The following TTC34 variants were observed in gnomAD, a reference collection of about 807,000 sequenced individuals.
TTC34 encodes tetratricopeptide repeat domain 34.
In TTC34, 44 loss-of-function variants were observed where a neutral mutation model predicts 40.7. The ratio of observed to expected loss-of-function variants is 1.08; its 90% confidence interval spans 0.85 to 1.39. The LOEUF is 1.39. Ranked by LOEUF, TTC34 falls within the 40% of genes most tolerant of loss-of-function variation. The pLI is 0.00. For missense variants in TTC34, 884 were observed against 838.0 expected (o/e 1.05, Z -0.68); for synonymous variants, 422 against 398.6 (o/e 1.06, Z -0.70).
intron 6 of TTC34, among the ~76,000 whole-genome samples, chr1:2,751,150 C>T (rs1415817937): frequency 9.4e-6 from 1 of 106,764 alleles, no homozygotes; most frequent in Non-Finnish European, 1.8e-5. Context: ...ATCTGACACC[C>T]TGGAGCAGCA....
chr1:2,779,022 TC>T (rs1273737239), intron 6 of TTC34, among the ~76,000 whole-genome samples: 1 of 152,192 alleles, frequency 6.6e-6, no homozygotes, highest in Non-Finnish European at 1.5e-5. Context: ...ACAGTGTTTG[TC>T]CTTTTGTGGT....
At chr1:2,800,272 C>T (rs1396584428) in exon 2 of TTC34, 10 of 398,612 alleles carry the variant, frequency 2.5e-5, no homozygotes, top group Admixed American at 4.4e-5. Flanking sequence ...CTGAGCAGCG[C>T]GGGGAGGTGG....
chr1:2,691,957 A>G (rs1347940072), intron 6 of TTC34, among the ~76,000 whole-genome samples: 1 of 82,146 alleles, frequency 1.2e-5, no homozygotes, highest in Non-Finnish European at 2.7e-5. Flanking sequence ...CCAGGTGAGC[A>G]TCTGACAGAC....
intron 2 of TTC34, among the ~76,000 whole-genome samples, chr1:2,794,714 G>C (rs370797513): frequency 6.6e-6 from 1 of 152,126 alleles, no homozygotes; most frequent in Non-Finnish European, 1.5e-5. Context: ...TCACCATTGA[G>C]TATGATATTT....
intron 2 of TTC34, among the ~76,000 whole-genome samples, chr1:2,798,586 C>T (rs1374631493): frequency 9.1e-6 from 1 of 110,454 alleles, no homozygotes; most frequent in Non-Finnish European, 1.9e-5. Context: ...CCTCAGCTCC[C>T]CAGCCCCCCA....
chr1:2,772,682 GAACTCCA>G (rs1406603386), intron 6 of TTC34, among the ~76,000 whole-genome samples: 1 of 16,808 alleles, frequency 5.9e-5, no homozygotes, highest in Non-Finnish European at 1.3e-4. Context: ...GCTTGGAACA[GAACTCCA>G]CACCCACAGG....
chr1:2,652,432 A>C (rs534042528), intron 6 of TTC34, among the ~76,000 whole-genome samples: 1 of 152,208 alleles, frequency 6.6e-6, no homozygotes, highest in South Asian at 2.1e-4. Context: ...ACAGCCTGGA[A>C]CAGCACCCAC....
intron 6 of TTC34, among the ~76,000 whole-genome samples, chr1:2,751,870 G>A (rs1158756989): frequency 3.5e-5 from 3 of 85,458 alleles, no homozygotes; most frequent in East Asian, 5.0e-4. Context: ...GCATCCGACA[G>A]CCTGGAGCAG....
chr1:2,759,910 A>T, intron 6 of TTC34, among the ~76,000 whole-genome samples: 1 of 141,420 alleles, frequency 7.1e-6, no homozygotes, highest in East Asian at 2.1e-4. Context: ...AGCCTGGAAC[A>T]TCACCCTGCA....
At chr1:2,651,892 G>A (rs1235122272) in intron 6 of TTC34, among the ~76,000 whole-genome samples, 2 of 151,968 alleles carry the variant, frequency 1.3e-5, no homozygotes, top group Admixed American at 6.6e-5. Flanking sequence ...GATTTTGGGT[G>A]AGCAGCTGAG....
intron 6 of TTC34, among the ~76,000 whole-genome samples, chr1:2,687,752 G>T (rs1173822194): frequency 6.7e-6 from 1 of 149,156 alleles, no homozygotes; most frequent in African/African-American, 2.5e-5. Context: ...CGACAGCCTG[G>T]AGCAGAACCC....
chr1:2,748,768 A>T (rs1407316384), intron 6 of TTC34, among the ~76,000 whole-genome samples: 217 of 24,680 alleles, frequency 8.8e-3, no homozygotes, highest in East Asian at 0.012. Flanking sequence ...CACCCCTAGG[A>T]GAGCATCCGG....
exon 3 of TTC34, chr1:2,790,249 G>C: frequency 2.5e-6 from 1 of 398,458 alleles, no homozygotes; most frequent in Admixed American, 4.4e-5. Context: ...GGCTCTCGCG[G>C]AAGGCCTCCT....
chr1:2,694,824 AC>A, intron 6 of TTC34, among the ~76,000 whole-genome samples: 1 of 89,206 alleles, frequency 1.1e-5, no homozygotes, highest in East Asian at 2.9e-4. Flanking sequence ...CTGGAACGAC[AC>A]CCACACCCCC....
intron 6 of TTC34, among the ~76,000 whole-genome samples, chr1:2,673,064 A>T (rs1428385891): frequency 3.1e-5 from 1 of 31,750 alleles, no homozygotes. Context: ...AGCCTGGAAC[A>T]GCACCCTGCA....
At chr1:2,644,554 C>T (rs1638980843) in intron 7 of TTC34, 76 bp from the exon 8 acceptor site, 2 of 1,410,512 alleles carry the variant, frequency 1.4e-6, no homozygotes, top group Admixed American at 2.1e-5. Context: ...TCGCTGGCCG[C>T]TCCTTCCCTG....
chr1:2,700,260 C>T lies in TTC34; in HGVS notation c.2227-54697G>A, dbSNP rs1450374293. 6.6e-5 allele frequency among the ~76,000 whole-genome samples: 5 copies of T among 75,956 alleles called. 1 individual carries two copies. Among genetic ancestry groups the T allele is most frequent in the Non-Finnish European group, 1.2e-4 (4 of 33,226 alleles). 49.8% of individuals were successfully genotyped at this position (75,956 alleles called of 152,430 possible). On this transcript the variant is annotated intron_variant, in intron 6 of 8. Transcript: ENST00000401095. ...CTGGAGCAGCACCCACACGCCCAGGCGAGGATGCGATAGCCTGGAGCAGCA... is the reference window on the plus strand; with the variant it reads ...CTGGAGCAGCACCCACACGCCCAGGTGAGGATGCGATAGCCTGGAGCAGCA...
exon 9 of TTC34, chr1:2,638,889 T>G (rs1570740380): frequency 6.6e-6 from 1 of 152,220 alleles, no homozygotes; most frequent in African/African-American, 2.4e-5. Flanking sequence ...CCCAACAGAA[T>G]AGCAGAGACA....
intron 6 of TTC34, among the ~76,000 whole-genome samples, chr1:2,652,482 C>T (rs1036364971): frequency 3.5e-4 from 39 of 111,726 alleles, no homozygotes; most frequent in Admixed American, 7.6e-4. Context: ...GCAGAACCCA[C>T]ACCCCCAGGC....
Sources: gnomAD v4.1 joint callset for allele counts (sites outside exome capture counted in the v4.1 genomes callset) on GRCh38, gnomAD v4.1.1 for gene constraint, MANE v1.5 for transcripts, NCBI Gene and HGNC (gene_info 2026-07-23, HGNC 2026-07-21) for gene names.